The following MACROD2 variants were observed in gnomAD, a reference collection of about 807,000 sequenced individuals.
MACROD2 encodes mono-ADP ribosylhydrolase 2, also known as ADP-ribose glycohydrolase MACROD2.
MACROD2 carries 36 observed loss-of-function variants against 70.4 expected under a neutral mutation model. That is an observed-to-expected ratio of 0.51 (90% CI 0.39 to 0.68). The LOEUF (loss-of-function observed/expected upper bound fraction) is 0.68. Among genes scored for constraint, MACROD2 ranks in the 30% least tolerant of loss-of-function variants. The pLI, the probability that MACROD2 is intolerant of heterozygous loss-of-function variation, is 0.00. For synonymous variants in MACROD2, 172 were observed against 178.8 expected, an observed-to-expected ratio of 0.96 and a Z score of 0.30; for missense variants, 496 against 538.4, an observed-to-expected ratio of 0.92 and a Z score of 0.78.
chr20:15,634,943 T>A (rs533904346), intron 8 of MACROD2, among the ~76,000 whole-genome samples: 4 of 152,344 alleles, frequency 2.6e-5, no homozygotes, highest in Non-Finnish European at 4.4e-5. Flanking sequence ...AAATGAGTAT[T>A]TTCAGGTGTC....
At chr20:14,080,822 C>A (rs1483808754) in intron 2 of MACROD2, among the ~76,000 whole-genome samples, 1 of 152,114 alleles carries the variant, frequency 6.6e-6, no homozygotes, top group Non-Finnish European at 1.5e-5. Context: ...TTTTCCCCAC[C>A]TTCCTCACTT....
In MACROD2 at chr20:16,049,790, CT is replaced by C. The variant is rs767781930; in HGVS notation, c.1301-38del. 1.1e-5 allele frequency: 18 copies of C among 1,608,636 alleles called. No homozygotes were observed. The African/African-American group carries it at 2.4e-4, about 21-fold the overall frequency. On this transcript the variant is annotated intron_variant, in intron 17 of 17. Transcript: ENST00000684519. ...TTCCTTGCTAAGCCTGTGAAGATGT[CT>C]TATCTTTAATCTAACAAATGGCTTC...
intron 9 of MACROD2, among the ~76,000 whole-genome samples, chr20:15,884,006 T>G (rs1181330415): frequency 6.6e-6 from 1 of 152,088 alleles, no homozygotes; most frequent in Non-Finnish European, 1.5e-5. Flanking sequence ...TACGTGGCAT[T>G]ATCTCATTTA....
chr20:14,298,581 A>AAAAAAG (rs1555778284), intron 3 of MACROD2, among the ~76,000 whole-genome samples: 1 of 147,024 alleles, frequency 6.8e-6, no homozygotes. Context: ...AAAAAAAAAA[A>AAAAAAG]AAGAAGTGAA....
chr20:15,016,262 G>T (rs2075120308), intron 5 of MACROD2, among the ~76,000 whole-genome samples: 1 of 152,118 alleles, frequency 6.6e-6, no homozygotes, highest in Admixed American at 6.5e-5. Flanking sequence ...ACATGTTATG[G>T]GTGGAGGACA....
chr20:14,953,346 G>A (rs184680345), intron 5 of MACROD2, among the ~76,000 whole-genome samples: 45 of 151,976 alleles, frequency 3.0e-4, no homozygotes, highest in African/African-American at 9.9e-4. Flanking sequence ...TCTCTCTGTC[G>A]CCCAGGTTGG....
intron 11 of MACROD2, among the ~76,000 whole-genome samples, chr20:15,934,297 G>A (rs2065624409): frequency 6.6e-6 from 1 of 152,136 alleles, no homozygotes; most frequent in Admixed American, 6.5e-5. Flanking sequence ...ATTAACCTTG[G>A]AGATTTTGCT....
intron 6 of MACROD2, among the ~76,000 whole-genome samples, chr20:15,238,105 A>G (rs2077030165): frequency 1.3e-5 from 2 of 152,330 alleles, no homozygotes; most frequent in South Asian, 4.1e-4. Context: ...GCTGAGCCTG[A>G]TAGAATTGAG....
At chr20:14,707,165 A>G (rs2071279355) in intron 5 of MACROD2, among the ~76,000 whole-genome samples, 2 of 152,112 alleles carry the variant, frequency 1.3e-5, no homozygotes, top group African/African-American at 4.8e-5. Flanking sequence ...GTCATCTCCT[A>G]AAAGGCTGGG....
intron 4 of MACROD2, among the ~76,000 whole-genome samples, chr20:14,635,570 G>A (rs1984745088): frequency 6.6e-6 from 1 of 152,086 alleles, no homozygotes; most frequent in African/African-American, 2.4e-5. Context: ...TATTGTGCTG[G>A]CAATTAATTT....
chr20:15,887,632 C>T (rs2064838504), intron 10 of MACROD2, among the ~76,000 whole-genome samples: 1 of 152,142 alleles, frequency 6.6e-6, no homozygotes, highest in Non-Finnish European at 1.5e-5. Flanking sequence ...TTAATACCCA[C>T]ATCTGACTCA....
intron 5 of MACROD2, among the ~76,000 whole-genome samples, chr20:14,847,077 A>G (rs2073149776): frequency 8.7e-6 from 1 of 114,672 alleles, no homozygotes; most frequent in South Asian, 2.7e-4. Flanking sequence ...GTATCTTTTC[A>G]TCTTTAGACA....
chr20:14,169,197 CAT>C (rs1386664123), intron 3 of MACROD2, among the ~76,000 whole-genome samples: 1 of 152,168 alleles, frequency 6.6e-6, no homozygotes, highest in Non-Finnish European at 1.5e-5. Context: ...ATAGAAGAGA[CAT>C]ACATACCTTA....
chr20:14,326,682 T>C lies in MACROD2; in HGVS notation c.272-166797T>C. ...TTAGGTTATTATTGGACATATCCAG[T>C]CGATAGAGCTGCCTTAGATAAGAAA... is the stretch of plus-strand genomic sequence containing the variant. On this transcript the variant is annotated intron_variant, in intron 3 of 17. Transcript: ENST00000684519. This position sits in a 1 kb window ranked among gnomAD's most constrained non-coding sequence, Gnocchi z 5.5. The C allele has an allele frequency of 1.2e-6, 2 of 1,613,762 alleles. No homozygotes were observed. Among genetic ancestry groups the C allele is most frequent in the South Asian group, 1.1e-5 (1 of 91,088 alleles).
intron 4 of MACROD2, among the ~76,000 whole-genome samples, chr20:14,635,138 G>A (rs1237806232): frequency 6.6e-6 from 1 of 152,194 alleles, no homozygotes; most frequent in Non-Finnish European, 1.5e-5. Flanking sequence ...TAAAGAGGGA[G>A]TTTAAAATTG....
intron 6 of MACROD2, among the ~76,000 whole-genome samples, chr20:15,385,162 G>A (rs2045696397): frequency 6.6e-6 from 1 of 151,980 alleles, no homozygotes; most frequent in Non-Finnish European, 1.5e-5. Flanking sequence ...GGAGGGCAGA[G>A]AACATGGTAT....
intron 8 of MACROD2, among the ~76,000 whole-genome samples, chr20:15,544,044 A>G: frequency 6.6e-6 from 1 of 152,206 alleles, no homozygotes; most frequent in East Asian, 1.9e-4. Flanking sequence ...ACTGTGGGGA[A>G]GTACAGTAAA....
At chr20:14,834,736 G>C (rs2073009897) in intron 5 of MACROD2, among the ~76,000 whole-genome samples, 1 of 151,916 alleles carries the variant, frequency 6.6e-6, no homozygotes, top group East Asian at 1.9e-4. Flanking sequence ...AGTTGTATTA[G>C]CCATTGTTAG....
intron 6 of MACROD2, among the ~76,000 whole-genome samples, chr20:15,289,842 G>C (rs2077526237): frequency 6.6e-6 from 1 of 152,166 alleles, no homozygotes; most frequent in Admixed American, 6.5e-5. Flanking sequence ...TGGGTACTGT[G>C]TGAGTCAAAA....
Sources: gnomAD v4.1 joint callset for allele counts (sites outside exome capture counted in the v4.1 genomes callset) on GRCh38, gnomAD v4.1.1 for gene constraint, Gnocchi (gnomAD v3.1) non-coding constraint, MANE v1.5 for transcripts, NCBI Gene and HGNC (gene_info 2026-07-23, HGNC 2026-07-21) for gene names.